GDAP1: variants seen among roughly 807,000 people sequenced by gnomAD.
GDAP1 encodes ganglioside induced differentiation associated protein 1, also known as ganglioside-induced differentiation-associated protein 1.
Under a neutral mutation model 40.1 loss-of-function variants are expected in GDAP1, and 34 were observed. The observed-to-expected ratio is 0.85, with a 90% CI of 0.64 to 1.13. The LOEUF is 1.13. Ranked by LOEUF, GDAP1 falls within the 50% of genes most tolerant of loss-of-function variation. GDAP1 has a pLI of 0.00. For synonymous variants in GDAP1, 170 were observed against 157.4 expected, an observed-to-expected ratio of 1.08 and a Z score of -0.60; for missense variants, 374 against 433.7, an observed-to-expected ratio of 0.86 and a Z score of 1.22.
chr8:74,431,705 T>G (rs1171615622), intron 2 of GDAP1, among the ~76,000 whole-genome samples: 1 of 151,942 alleles, frequency 6.6e-6, no homozygotes, highest in African/African-American at 2.4e-5. Flanking sequence ...ATGGTCTCGA[T>G]CTCCTGACCT....
chr8:74,380,588 G>T (rs1586815747), intron 2 of GDAP1, among the ~76,000 whole-genome samples: 3 of 151,398 alleles, frequency 2.0e-5, no homozygotes, highest in African/African-American at 7.3e-5. Context: ...TTTAGAGAGA[G>T]ATTTAAAAGC....
rs559101689 is a variant in GDAP1, at chr8:74,409,436, C to G, written c.165+58115C>G. Among the ~76,000 whole-genome samples the G allele has an allele frequency of 1.4e-3, 214 of 149,976 alleles. 22 individuals are homozygous for G. Among genetic ancestry groups the G allele is most frequent in the African/African-American group, 5.2e-3 (206 of 39,316 alleles). ...GTGCGATCTTGGCTCACTGCAACCT[C>G]TGCCTCCCAGGCTCAAGCGATTCTC... On this transcript the variant is annotated intron_variant, in intron 2 of 2. Coordinates refer to the GDAP1 transcript ENST00000523640.
At chr8:74,400,928 A>T (rs1457083986) in intron 2 of GDAP1, among the ~76,000 whole-genome samples, 8 of 149,884 alleles carry the variant, frequency 5.3e-5, no homozygotes, top group Non-Finnish European at 1.0e-4. Context: ...ATCCGCTGTT[A>T]GTCTGATGGG....
chr8:74,447,721 G>A (rs910784480), intron 2 of GDAP1, among the ~76,000 whole-genome samples: 2 of 152,142 alleles, frequency 1.3e-5, no homozygotes, highest in African/African-American at 4.8e-5. Context: ...TGCCCCACAT[G>A]GGGCCAAGAC....
intron 2 of GDAP1, among the ~76,000 whole-genome samples, chr8:74,471,698 C>G (rs1455710248): frequency 6.6e-6 from 1 of 152,130 alleles, no homozygotes; most frequent in African/African-American, 2.4e-5. Context: ...CCCCAGATAA[C>G]CACTGATATA....
intron 2 of GDAP1, among the ~76,000 whole-genome samples, chr8:74,382,486 C>T (rs1331649863): frequency 6.7e-6 from 1 of 149,244 alleles, no homozygotes; most frequent in Non-Finnish European, 1.5e-5. Context: ...TATTAGATAA[C>T]ATGGGTATTA....
At chr8:74,485,738 G>A (rs905704541) in intron 2 of GDAP1, among the ~76,000 whole-genome samples, 1 of 152,084 alleles carries the variant, frequency 6.6e-6, no homozygotes, top group African/African-American at 2.4e-5. Flanking sequence ...AATATACATG[G>A]CAATTTTGTG....
chr8:74,363,314 A>G (rs1809464972), intron 5 of GDAP1, among the ~76,000 whole-genome samples: 1 of 152,202 alleles, frequency 6.6e-6, no homozygotes, highest in African/African-American at 2.4e-5. Context: ...ACAAATTTGT[A>G]ATTACAGTAG....
rs147526359 is a variant in GDAP1 at position 74,407,532 on chromosome 8, C to T, written c.165+56211C>T. 1.2e-3 allele frequency among the ~76,000 whole-genome samples: 183 copies of T among 149,832 alleles called. 4 individuals carry two copies. The highest frequency in any genetic ancestry group is 2.1e-3 in the Non-Finnish European group (141 of 68,026). On this transcript the variant is annotated intron_variant, in intron 2 of 2. Coordinates refer to the GDAP1 transcript ENST00000523640. The stretch of plus-strand genomic sequence containing the variant: ...GCTTCCTGCCCTTGAACATCAGACT[C>T]CAAGTTTTGGGACTCAGACTGAGTC...
At chr8:74,386,471 G>A (rs192726987) in intron 2 of GDAP1, among the ~76,000 whole-genome samples, 114 of 152,088 alleles carry the variant, frequency 7.5e-4, no homozygotes, top group African/African-American at 2.1e-3. Context: ...CTTTTGTCAG[G>A]TTTGTCAAAA....
In GDAP1 at chr8:74,471,594, A is replaced by G. The variant is rs148544928; in HGVS notation, c.166-17084A>G. ...AGTATACAGTCTTATGAGTTTTAAC[A>G]TGTATCTACATATACTGGTGAGACC... On this transcript the variant is annotated intron_variant, in intron 2 of 2. Coordinates refer to the GDAP1 transcript ENST00000523640. 4.1e-3 allele frequency among the ~76,000 whole-genome samples: 623 copies of G among 152,268 alleles called. 9 individuals carry two copies. The highest frequency in any genetic ancestry group is 0.024 in the Admixed American group (365 of 15,296).
rs1423775647 is a variant in GDAP1 at position 74,404,297 on chromosome 8, C to G, written c.165+52976C>G. On this transcript the variant is annotated intron_variant, in intron 2 of 2. Transcript: ENST00000523640. Reference sequence around the variant, plus strand: ...AGTTTTGACTATTACTTTTAAATGGCAAAACCACAATTACTTTTTCACCAA... The same window carrying G: ...AGTTTTGACTATTACTTTTAAATGGGAAAACCACAATTACTTTTTCACCAA... 2.0e-5 allele frequency among the ~76,000 whole-genome samples: 3 copies of G among 149,080 alleles called. 1 individual carries two copies. The highest frequency in any genetic ancestry group is 7.8e-5 in the African/African-American group (3 of 38,688).
At chr8:74,390,012 T>C (rs1179617473) in intron 2 of GDAP1, among the ~76,000 whole-genome samples, 1 of 152,242 alleles carries the variant, frequency 6.6e-6, no homozygotes, top group African/African-American at 2.4e-5. Context: ...GTTCTCCTGC[T>C]GTGTTTTTCA....
At chr8:74,418,751 C>T (rs1257586371) in intron 2 of GDAP1, among the ~76,000 whole-genome samples, 1 of 152,088 alleles carries the variant, frequency 6.6e-6, no homozygotes, top group African/African-American at 2.4e-5. Context: ...AGACAAAATA[C>T]AGACTGGTAG....
intron 2 of GDAP1, among the ~76,000 whole-genome samples, chr8:74,445,917 G>A (rs1010400466): frequency 2.0e-5 from 3 of 152,148 alleles, no homozygotes; most frequent in Non-Finnish European, 2.9e-5. Flanking sequence ...CTCAACATTT[G>A]GAGCAGAGGG....
At chr8:74,429,490 G>A (rs927565184) in intron 2 of GDAP1, among the ~76,000 whole-genome samples, 5 of 152,182 alleles carry the variant, frequency 3.3e-5, no homozygotes, top group Non-Finnish European at 7.4e-5. Flanking sequence ...TTGCTCATAG[G>A]TCTGGAGGTG....
chr8:74,421,422 G>T (rs1805856268), intron 2 of GDAP1, among the ~76,000 whole-genome samples: 1 of 151,986 alleles, frequency 6.6e-6, no homozygotes, highest in South Asian at 2.1e-4. Context: ...AGAGAACTTA[G>T]TATTGGCTCC....
At chr8:74,475,214 A>T (rs60501864) in intron 2 of GDAP1, among the ~76,000 whole-genome samples, 10,006 of 149,820 alleles carry the variant, frequency 0.067, 684 homozygotes, top group African/African-American at 0.17. Flanking sequence ...TCTTATTATT[A>T]TTTTTTTTCA....
At position 74,424,132 on chromosome 8, in the gene GDAP1, G is replaced by C. The variant is rs926738229; in HGVS notation, c.166-64546G>C. ...AGTGTTATATTAGCATCTAACCTATGTATATGCTCCTGTATACTTTAAGTC... is the reference window on the plus strand; with the variant it reads ...AGTGTTATATTAGCATCTAACCTATCTATATGCTCCTGTATACTTTAAGTC... On this transcript the variant is annotated intron_variant, in intron 2 of 2. Transcript: ENST00000523640. 2.0e-5 allele frequency among the ~76,000 whole-genome samples: 3 copies of C among 152,070 alleles called. No homozygotes were observed. The South Asian group carries it at 6.3e-4, about 32-fold the overall frequency.
Sources: allele counts gnomAD v4.1 joint callset (sites outside exome capture counted in the v4.1 genomes callset), GRCh38; gene constraint gnomAD v4.1.1; transcripts MANE v1.5; gene names NCBI Gene and HGNC (gene_info 2026-07-23, HGNC 2026-07-21).